Variants in UNC80 observed in about 807,000 individuals in gnomAD.
UNC80 encodes protein unc-80 homolog.
In UNC80, 164 loss-of-function variants were observed where a neutral mutation model predicts 384.6. The ratio of observed to expected loss-of-function variants is 0.43; its 90% CI spans 0.38 to 0.49. The LOEUF (loss-of-function observed/expected upper bound fraction) is 0.49, where lower values mean the gene tolerates loss of function less well. Ranked by LOEUF, UNC80 falls within the 20% of genes least tolerant of loss-of-function variation. The pLI is 0.00. For missense variants in UNC80, 3,330 were observed against 4,143.0 expected, an observed-to-expected ratio of 0.80 and a Z score of 5.39; for synonymous variants, 1,486 against 1,527.8, an observed-to-expected ratio of 0.97 and a Z score of 0.64.
Position 209,913,885 on chromosome 2 carries a change from G to T in UNC80, c.4974G>T (p.Gln1658His). Residue 1658 changes from glutamine to histidine, a missense_variant, in exon 31 of 65, where the codon CAG becomes CAT. Physicochemically the swap from Gln to His is conservative, Grantham distance 24. This residue lies in a region of UNC80 where 801 missense variants were observed against 950.8 expected (regional missense o/e 0.84). Coordinates refer to ENST00000673920, the MANE Select transcript of UNC80 (RefSeq NM_001371986.1). ...CAGAGGAGATGTACGGAGACATCCAGCCAGCTGCCTGGGAGCTCCTGCTCA... is the reference window on the plus strand; with the variant it reads ...CAGAGGAGATGTACGGAGACATCCATCCAGCTGCCTGGGAGCTCCTGCTCA... ...ILTEEMYGDIQPAAWELLLSM... is the reference protein window; with the variant it reads ...ILTEEMYGDIHPAAWELLLSM... 6.4e-7 allele frequency: 1 copy of T among 1,551,468 alleles called. No homozygotes were observed. The highest frequency in any genetic ancestry group is 8.7e-7 in the Non-Finnish European group (1 of 1,146,772).
intron 18 of UNC80, among the ~76,000 whole-genome samples, chr2:209,837,687 G>A (rs147086543): frequency 6.6e-5 from 10 of 152,100 alleles, no homozygotes; most frequent in South Asian, 2.1e-4. Flanking sequence ...AACTGTTTCC[G>A]TGGTGTTGAA....
rs1453081395 is a variant in UNC80, at chr2:209,839,247, T to A, written c.3067T>A (p.Leu1023Met). The A allele has an allele frequency of 1.3e-6, 2 of 1,551,538 alleles. No homozygotes were observed. The highest frequency in any genetic ancestry group is 1.7e-6 in the Non-Finnish European group (2 of 1,146,984). The change falls in exon 19 of 65, where the codon TTG (leucine) becomes ATG (methionine). Residue 1023 changes from leucine (L) to methionine (M), a missense_variant. Leu to Met is a conservative substitution (Grantham distance 15). This residue lies in a region of UNC80 where 801 missense variants were observed against 950.8 expected (regional missense o/e 0.84). Coordinates refer to ENST00000673920, the MANE Select transcript of UNC80 (RefSeq NM_001371986.1). This position sits in a 1 kb window ranked among gnomAD's most constrained non-coding sequence, Gnocchi z 4.1. ...EHDEQMQGAN[L>M]GRKDFWRKMF... ...CGATGAACAAATGCAAGGAGCCAAC[T>A]TGGGGCGGAAAGATTTCTGGCGTAA...
intron 21 of UNC80, among the ~76,000 whole-genome samples, chr2:209,847,066 G>A (rs749815994): frequency 4.6e-5 from 7 of 152,004 alleles, no homozygotes; most frequent in African/African-American, 7.2e-5. Flanking sequence ...TGGTAAGAGT[G>A]CAGGTTTGTG....
intron 51 of UNC80, among the ~76,000 whole-genome samples, chr2:209,965,735 A>G (rs746661543): frequency 1.3e-5 from 2 of 151,914 alleles, no homozygotes; most frequent in Non-Finnish European, 2.9e-5. Context: ...GGTCTTATTT[A>G]TGAGATTTTT....
At position 209,834,930 on chromosome 2, in the gene UNC80, T is replaced by A; in HGVS notation, c.2961T>A (p.Ile987=). The change falls in exon 18 of 65, where the codon ATT becomes ATA. Residue 987 remains isoleucine (I), a synonymous_variant. Transcript: ENST00000673920. The part of the protein sequence containing the change: ...AGSKRSEAGS[I]VDKGQVSSAP... ...TGCATAGGTCAGAGGCGGGAAGCAT[T>A]GTGGATAAAGGCCAGGTATCCTCTG... The A allele has an allele frequency of 3.9e-6, 6 of 1,550,582 alleles. No individual in the cohort carries two copies. The highest frequency in any genetic ancestry group is 5.2e-6 in the Non-Finnish European group (6 of 1,146,178).
chr2:209,822,601 G>A (rs1396415753), intron 13 of UNC80, among the ~76,000 whole-genome samples: 1 of 152,156 alleles, frequency 6.6e-6, no homozygotes, highest in Admixed American at 6.6e-5. Context: ...GCTTTTATCA[G>A]CAAAGCTTAG....
intron 14 of UNC80, 59 bp from the exon 15 acceptor site, chr2:209,829,173 C>T (rs939750404): frequency 1.3e-6 from 2 of 1,537,746 alleles, no homozygotes; most frequent in Non-Finnish European, 1.8e-6. Context: ...CTCAGACTAC[C>T]AGTATCCATA....
intron 31 of UNC80, among the ~76,000 whole-genome samples, chr2:209,916,031 T>C (rs986611603): frequency 6.6e-6 from 1 of 152,228 alleles, no homozygotes; most frequent in African/African-American, 2.4e-5. Context: ...AATAAATTTT[T>C]AATTTTTTTC....
intron 7 of UNC80, chr2:209,795,393 G>A (rs1395372084): frequency 6.6e-6 from 1 of 152,224 alleles, no homozygotes; most frequent in Non-Finnish European, 1.5e-5. Flanking sequence ...TTTGCAGCCT[G>A]ACTATGCAAC....
intron 29 of UNC80, among the ~76,000 whole-genome samples, chr2:209,908,806 CT>C (rs2088577638): frequency 1.3e-5 from 2 of 152,144 alleles, no homozygotes; most frequent in South Asian, 4.1e-4. Flanking sequence ...TGACTGTCCA[CT>C]ATAACTTACA....
chr2:209,824,877 A>G (rs2080398833), intron 13 of UNC80, among the ~76,000 whole-genome samples: 1 of 152,196 alleles, frequency 6.6e-6, no homozygotes, highest in African/African-American at 2.4e-5. Flanking sequence ...CAACCCAATC[A>G]TGTGGCTATG....
At chr2:209,835,895 A>G (rs1663872494) in intron 18 of UNC80, among the ~76,000 whole-genome samples, 1 of 152,250 alleles carries the variant, frequency 6.6e-6, no homozygotes. Flanking sequence ...AAATGCCCAC[A>G]GAGTTCTTGT....
chr2:209,872,793 G>T lies in UNC80; in HGVS notation c.3663G>T (p.Leu1221=). Residue 1221 remains leucine (L), a synonymous_variant, in exon 23 of 65, where the codon CTG becomes CTT. Transcript: ENST00000673920. The surrounding 1 kb of genome is among the most constrained non-coding windows in gnomAD (Gnocchi z 4.1). ...TGGTGGCCAGAGCAGCCTTGTTCCT[G>T]GAATGTGCTCGTTTTGTTCACCGCT... The part of the protein sequence containing the change: ...APVVARAALF[L]ECARFVHRCN... 1 of 1,551,482 alleles carries T rather than the reference G, an allele frequency of 6.4e-7. No individual in the cohort carries two copies. The highest frequency in any genetic ancestry group is 8.7e-7 in the Non-Finnish European group (1 of 1,146,816).
chr2:209,806,402 CTCTA>C (rs897643825), intron 7 of UNC80, among the ~76,000 whole-genome samples: 2 of 152,172 alleles, frequency 1.3e-5, no homozygotes, highest in Non-Finnish European at 2.9e-5. Context: ...CAAGCTCTCT[CTCTA>C]TATATATATT....
intron 49 of UNC80, 30 bp downstream of exon 49, chr2:209,957,766 T>C (rs772610225): frequency 6.5e-7 from 1 of 1,543,322 alleles, no homozygotes; most frequent in South Asian, 1.2e-5. Flanking sequence ...TCTTCTATGG[T>C]CTCTCAATTT....
At chr2:209,930,006 G>T (rs1443832146) in intron 37 of UNC80, 35 bp downstream of exon 37, 3 of 1,436,568 alleles carry the variant, frequency 2.1e-6, no homozygotes, top group Non-Finnish European at 2.8e-6. Context: ...TAGCTCTGTG[G>T]CTACAAGTGT....
intron 37 of UNC80, 137 bp downstream of exon 37, chr2:209,930,108 A>C (rs567659756): frequency 2.3e-6 from 1 of 438,284 alleles, no homozygotes; most frequent in African/African-American, 2.0e-5. Context: ...TTTTTAAATA[A>C]TGATAATGAT....
In UNC80 at chr2:209,967,475, C is replaced by T; in HGVS notation, c.7844C>T (p.Pro2615Leu). ...GCACACTCCCTTCTGAAGCTGGCACCATATGACACTCAGACAATGGAGAGT... is the reference window on the plus strand; with the variant it reads ...GCACACTCCCTTCTGAAGCTGGCACTATATGACACTCAGACAATGGAGAGT... ...EIAHSLLKLA[P>L]YDTQTMESRG... The change falls in exon 52 of 65, where the codon CCA (proline) becomes CTA (leucine). Residue 2615 changes from proline to leucine, a missense_variant. By Grantham distance (98) the Pro-to-Leu change is moderately conservative. Transcript: ENST00000673920. 1 of 1,551,370 alleles carries T rather than the reference C, an allele frequency of 6.4e-7. No homozygotes were observed. The highest frequency in any genetic ancestry group is 8.7e-7 in the Non-Finnish European group (1 of 1,146,940).
chr2:209,818,336 ATT>A (rs111960749), intron 11 of UNC80, among the ~76,000 whole-genome samples: 5 of 144,542 alleles, frequency 3.5e-5, no homozygotes, highest in African/African-American at 1.0e-4. Context: ...AAGGCCACCA[ATT>A]TTTTTTTTTT....
Sources: gnomAD v4.1 joint callset for allele counts (sites outside exome capture counted in the v4.1 genomes callset) on GRCh38, gnomAD v4.1.1 for gene constraint, gnomAD v4.1.1 regional missense constraint, Gnocchi (gnomAD v3.1) non-coding constraint, MANE v1.5 for transcripts, NCBI Gene and HGNC (gene_info 2026-07-23, HGNC 2026-07-21) for gene names.